The following DTWD2 variants were observed in gnomAD, a reference collection of about 807,000 sequenced individuals.
DTWD2 encodes the protein DTW motif tRNA-uridine aminocarboxypropyltransferase 2.
A neutral mutation model predicts 31.8 loss-of-function variants in DTWD2; 39 were observed. The ratio of observed to expected loss-of-function variants is 1.22; its 90% CI spans 0.95 to 1.60. The LOEUF is 1.60. DTWD2 is among the 40% of genes most tolerant of loss of function. The pLI is 0.00. For synonymous variants in DTWD2, 180 were observed against 142.8 expected, an observed-to-expected ratio of 1.26 and a Z score of -1.86; for missense variants, 515 against 381.5, an observed-to-expected ratio of 1.35 and a Z score of -2.92.
At chr5:118,986,923 A>G (rs1041904590) in intron 1 of DTWD2, among the ~76,000 whole-genome samples, 9 of 152,242 alleles carry the variant, frequency 5.9e-5, no homozygotes, top group Non-Finnish European at 1.0e-4. Context: ...ATGTTGGGGA[A>G]AATTGTAATC....
chr5:118,927,209 T>A (rs1018288943), intron 4 of DTWD2, among the ~76,000 whole-genome samples: 3 of 149,418 alleles, frequency 2.0e-5, no homozygotes, highest in Admixed American at 1.4e-4. Flanking sequence ...AAAGGTCCCA[T>A]CTCCAAATAC....
At chr5:118,906,240 T>A (rs1376973042) in intron 4 of DTWD2, among the ~76,000 whole-genome samples, 1 of 152,194 alleles carries the variant, frequency 6.6e-6, no homozygotes, top group African/African-American at 2.4e-5. Flanking sequence ...CATAAACTAC[T>A]GGTAGGAGTG....
At chr5:118,985,853 A>C (rs913713587) in intron 1 of DTWD2, among the ~76,000 whole-genome samples, 5 of 152,304 alleles carry the variant, frequency 3.3e-5, no homozygotes, top group African/African-American at 9.6e-5. Context: ...AGCTTCAAAA[A>C]TTTGATGCGG....
At chr5:118,873,214 A>T (rs1009930767) in intron 4 of DTWD2, among the ~76,000 whole-genome samples, 16 of 152,236 alleles carry the variant, frequency 1.1e-4, no homozygotes, top group African/African-American at 3.4e-4. Flanking sequence ...ACAGCCCGGA[A>T]CAGCCATCCC....
At chr5:118,980,829 T>C (rs956417683) in intron 1 of DTWD2, among the ~76,000 whole-genome samples, 1 of 152,204 alleles carries the variant, frequency 6.6e-6, no homozygotes, top group African/African-American at 2.4e-5. Flanking sequence ...ACAATTACTT[T>C]TGCACCAACC....
intron 3 of DTWD2, among the ~76,000 whole-genome samples, chr5:118,932,354 G>A (rs928533735): frequency 9.3e-4 from 138 of 148,656 alleles, no homozygotes; most frequent in African/African-American, 3.3e-3. Flanking sequence ...AGAGAAAGAC[G>A]AGCAATTTAA....
chr5:118,884,623 C>A (rs1752814351), intron 4 of DTWD2, among the ~76,000 whole-genome samples: 1 of 152,140 alleles, frequency 6.6e-6, no homozygotes, highest in Non-Finnish European at 1.5e-5. Context: ...ATATGCATAG[C>A]TTTTTCCTTT....
rs574508618 is a variant in DTWD2 at position 118,892,920 on chromosome 5, C to G, written c.597+35617G>C. Among the ~76,000 whole-genome samples, 111 of 152,074 alleles carry G rather than the reference C, an allele frequency of 7.3e-4. 3 individuals carry two copies. The Middle Eastern group carries it at 0.01, about 14-fold the overall frequency. On this transcript the variant is annotated intron_variant, in intron 4 of 5. Transcript: ENST00000510708. ...AACTGGTTGAATAACTGTAGTTTAT[C>G]CACTTACAGAATGTAAGAAAGAATA...
At chr5:118,910,502 T>A (rs1404514705) in intron 4 of DTWD2, among the ~76,000 whole-genome samples, 1 of 152,232 alleles carries the variant, frequency 6.6e-6, no homozygotes, top group African/African-American at 2.4e-5. Flanking sequence ...AGGCCATCTC[T>A]AAGAAAACTG....
chr5:118,889,475 T>G (rs1221503595), intron 4 of DTWD2, among the ~76,000 whole-genome samples: 2 of 152,090 alleles, frequency 1.3e-5, no homozygotes, highest in Non-Finnish European at 2.9e-5. Flanking sequence ...AAATCCATTA[T>G]AAATTGAAAA....
chr5:118,846,922 A>G (rs768261612), intron 5 of DTWD2, among the ~76,000 whole-genome samples: 19 of 26,878 alleles, frequency 7.1e-4, no homozygotes, highest in Non-Finnish European at 1.1e-3. Context: ...ACACACAGGC[A>G]CACACACACA....
chr5:118,909,325 G>A (rs1753408092), intron 4 of DTWD2, among the ~76,000 whole-genome samples: 1 of 152,160 alleles, frequency 6.6e-6, no homozygotes, highest in Non-Finnish European at 1.5e-5. Context: ...TGTGAGCACT[G>A]AGGACCTCAA....
At chr5:118,924,073 C>T (rs1327380290) in intron 4 of DTWD2, among the ~76,000 whole-genome samples, 2 of 152,188 alleles carry the variant, frequency 1.3e-5, no homozygotes, top group Non-Finnish European at 2.9e-5. Flanking sequence ...TCCAGGAAAA[C>T]TCCTCTGGTT....
intron 2 of DTWD2, among the ~76,000 whole-genome samples, chr5:118,940,109 T>C (rs564681741): frequency 1.1e-3 from 163 of 152,274 alleles, no homozygotes; most frequent in Non-Finnish European, 2.1e-3. Flanking sequence ...ATAATAACTT[T>C]AGAGTGGAGA....
At chr5:118,953,347 T>C (rs776526224) in intron 1 of DTWD2, among the ~76,000 whole-genome samples, 15 of 152,208 alleles carry the variant, frequency 9.9e-5, no homozygotes, top group Admixed American at 2.0e-4. Context: ...CATCTGAAGG[T>C]TGGCAAAGCT....
chr5:118,895,306 T>C (rs1462933916), intron 4 of DTWD2, among the ~76,000 whole-genome samples: 1 of 152,116 alleles, frequency 6.6e-6, no homozygotes, highest in Non-Finnish European at 1.5e-5. Context: ...TCATCAAGGA[T>C]GTTACAGATC....
intron 1 of DTWD2, among the ~76,000 whole-genome samples, chr5:118,969,805 T>C (rs79275684): frequency 2.6e-5 from 4 of 152,108 alleles, no homozygotes; most frequent in Middle Eastern, 3.4e-3. Context: ...CTCTCCAGCA[T>C]GGGTACAGAA....
intron 3 of DTWD2, among the ~76,000 whole-genome samples, chr5:118,931,865 T>C (rs1473214893): frequency 1.3e-5 from 2 of 152,112 alleles, no homozygotes; most frequent in African/African-American, 4.8e-5. Context: ...AAATTTAAAA[T>C]AGAAATCATA....
At chr5:118,887,786 T>C (rs1752898865) in intron 4 of DTWD2, among the ~76,000 whole-genome samples, 1 of 152,180 alleles carries the variant, frequency 6.6e-6, no homozygotes. Context: ...ACTTGACTAA[T>C]TGTTCTGTTT....
Sources: allele counts gnomAD v4.1 joint callset (sites outside exome capture counted in the v4.1 genomes callset), GRCh38; gene constraint gnomAD v4.1.1; transcripts MANE v1.5; gene names NCBI Gene and HGNC (gene_info 2026-07-23, HGNC 2026-07-21).